Variants in ZNF385B observed in about 807,000 individuals in gnomAD.
ZNF385B encodes the protein zinc finger protein 533.
In ZNF385B, 23 loss-of-function variants were observed where a neutral mutation model predicts 39.2. That is an observed-to-expected ratio of 0.59 (90% CI 0.42 to 0.83). ZNF385B has a LOEUF of 0.83. ZNF385B is among the 40% of genes least tolerant of loss of function. ZNF385B has a pLI of 0.00. For synonymous variants in ZNF385B, 205 were observed against 222.6 expected, an observed-to-expected ratio of 0.92 and a Z score of 0.70; for missense variants, 552 against 598.9, an observed-to-expected ratio of 0.92 and a Z score of 0.82.
chr2:179,697,440 C>T (rs72958970), intron 3 of ZNF385B, among the ~76,000 whole-genome samples: 11,731 of 152,206 alleles, frequency 0.077, 528 homozygotes, highest in East Asian at 0.16. Flanking sequence ...AAGAAGATGC[C>T]TTGTTTCCCC....
intron 1 of ZNF385B, among the ~76,000 whole-genome samples, chr2:179,771,647 T>C (rs1704019321): frequency 6.6e-6 from 1 of 152,210 alleles, no homozygotes; most frequent in Non-Finnish European, 1.5e-5. Context: ...GCTTTTATTC[T>C]TTAAACCTAA....
intron 1 of ZNF385B, among the ~76,000 whole-genome samples, chr2:179,784,457 C>T (rs77610986): frequency 3.3e-5 from 5 of 151,632 alleles, no homozygotes; most frequent in African/African-American, 1.2e-4. Context: ...CATGTACCCT[C>T]GAACCCAAAA....
chr2:179,597,788 A>G (rs185496213), intron 3 of ZNF385B, among the ~76,000 whole-genome samples: 2 of 152,348 alleles, frequency 1.3e-5, no homozygotes, highest in African/African-American at 4.8e-5. Context: ...GATAAATAAT[A>G]TTATTGCCCC....
intron 3 of ZNF385B, among the ~76,000 whole-genome samples, chr2:179,762,335 A>G (rs1703450681): frequency 6.6e-6 from 1 of 151,950 alleles, no homozygotes; most frequent in African/African-American, 2.4e-5. Context: ...GATTACAGGC[A>G]CTCACTACTA....
chr2:179,595,717 C>T (rs1352227289), intron 3 of ZNF385B, among the ~76,000 whole-genome samples: 2 of 151,242 alleles, frequency 1.3e-5, no homozygotes, highest in East Asian at 4.0e-4. Context: ...TCTTGACCTC[C>T]TGGGCTCCAG....
chr2:179,641,724 T>C (rs896500509), intron 3 of ZNF385B, among the ~76,000 whole-genome samples: 1 of 151,876 alleles, frequency 6.6e-6, no homozygotes, highest in African/African-American at 2.4e-5. Context: ...TACAGCCAAC[T>C]GGTCCCTGTA....
chr2:179,682,112 T>C (rs1697566381), intron 3 of ZNF385B, among the ~76,000 whole-genome samples: 1 of 152,140 alleles, frequency 6.6e-6, no homozygotes, highest in South Asian at 2.1e-4. Context: ...ATGCTAAGGC[T>C]CCCATAATTT....
At position 179,710,109 on chromosome 2, in the gene ZNF385B, G is replaced by A. The variant is rs186629066; in HGVS notation, c.298+59394C>T. ...AACGGACTGTTGATGCAACGACTCC[G>A]GAGAAGATGTGTTCTCTGGCTCTGT... On this transcript the variant is annotated intron_variant, in intron 3 of 9. Transcript: ENST00000410066. Among the ~76,000 whole-genome samples the A allele has an allele frequency of 5.9e-5, 9 of 152,202 alleles. No homozygotes were observed. The East Asian group carries it at 1.4e-3, about 23-fold the overall frequency.
rs72013599 is a variant in ZNF385B, at chr2:179,606,539, TAG to T, written c.299-61572_299-61571del. On this transcript the variant is annotated intron_variant, in intron 3 of 9. Coordinates refer to ENST00000410066, the MANE Select transcript of ZNF385B (RefSeq NM_152520.6). ...TTAGGTTGTGGGTGCTGTGGAAATT[TAG>T]AGTTTCCTAAACTCTAAAGTTTGGG... is the stretch of plus-strand genomic sequence containing the variant. Among the ~76,000 whole-genome samples the T allele has an allele frequency of 9.8e-3, 1,492 of 152,270 alleles. 29 individuals carry two copies. Among genetic ancestry groups the T allele is most frequent in the African/African-American group, 0.033 (1,379 of 41,566 alleles).
intron 3 of ZNF385B, among the ~76,000 whole-genome samples, chr2:179,621,376 T>A (rs948147868): frequency 1.3e-5 from 2 of 152,210 alleles, no homozygotes; most frequent in African/African-American, 2.4e-5. Flanking sequence ...GGTAATAATG[T>A]TAAGGTTGTG....
intron 5 of ZNF385B, among the ~76,000 whole-genome samples, chr2:179,516,867 T>C (rs1225794024): frequency 1.3e-5 from 2 of 149,936 alleles, no homozygotes; most frequent in Non-Finnish European, 3.0e-5. Context: ...AGTTTAATAG[T>C]TTTTTTAAAG....
chr2:179,672,681 A>C lies in ZNF385B; in HGVS notation c.298+96822T>G, dbSNP rs112684804. 7.8e-4 allele frequency among the ~76,000 whole-genome samples: 118 copies of C among 152,220 alleles called. 1 individual carries two copies. The highest frequency in any genetic ancestry group is 2.8e-3 in the African/African-American group (116 of 41,534). The stretch of plus-strand genomic sequence containing the variant: ...ATAAAAGATGTCTGAGAGACTCCTT[A>C]CCTCTTCCACCAAGTGAGGATGCAG... On this transcript the variant is annotated intron_variant, in intron 3 of 9. Coordinates refer to ENST00000410066, the MANE Select transcript of ZNF385B (RefSeq NM_152520.6).
At chr2:179,676,361 T>A (rs1162418530) in intron 3 of ZNF385B, among the ~76,000 whole-genome samples, 1 of 151,888 alleles carries the variant, frequency 6.6e-6, no homozygotes, top group African/African-American at 2.4e-5. Context: ...GTGCTGGGAT[T>A]ACAGGCGTGA....
chr2:179,816,157 C>T (rs1280978465), intron 1 of ZNF385B, among the ~76,000 whole-genome samples: 1 of 152,136 alleles, frequency 6.6e-6, no homozygotes, highest in African/African-American at 2.4e-5. Context: ...TTTAACTAAA[C>T]GGAAACTTCA....
chr2:179,657,081 G>A (rs532884278), intron 3 of ZNF385B, among the ~76,000 whole-genome samples: 1 of 152,296 alleles, frequency 6.6e-6, no homozygotes, highest in African/African-American at 2.4e-5. Flanking sequence ...AAGAATGGGA[G>A]GTCACTCTGT....
Position 179,846,079 on chromosome 2 carries a change from AG to A in ZNF385B, c.-155+15021del, listed in dbSNP as rs1203238769. ...CTATGGAAAGTCATCGCCTTGGAGG[AG>A]CTGATGACTTTTGCTGACTATCAAA... On this transcript the variant is annotated intron_variant, in intron 1 of 9. Transcript: ENST00000410066. 5.3e-5 allele frequency among the ~76,000 whole-genome samples: 8 copies of A among 152,320 alleles called. No homozygotes were observed. In the East Asian group the frequency reaches 1.5e-3, roughly 29 times the overall value.
In ZNF385B at chr2:179,476,844, T is replaced by C. The variant is rs931681270; in HGVS notation, c.715+6428A>G. 2.4e-4 allele frequency among the ~76,000 whole-genome samples: 36 copies of C among 152,350 alleles called. No homozygotes were observed. In the East Asian group the frequency reaches 6.7e-3, roughly 29 times the overall value. ...AGACAGATGGGACTCATTTATGTTCTACATGACTATACCCCAGAACTTCAG... is the reference window on the plus strand; with the variant it reads ...AGACAGATGGGACTCATTTATGTTCCACATGACTATACCCCAGAACTTCAG... On this transcript the variant is annotated intron_variant, in intron 6 of 9. Transcript: ENST00000410066.
intron 3 of ZNF385B, among the ~76,000 whole-genome samples, chr2:179,701,065 T>C (rs568816739): frequency 6.6e-6 from 1 of 152,294 alleles, no homozygotes; most frequent in Non-Finnish European, 1.5e-5. Flanking sequence ...ATTGGTATCA[T>C]CTATATCATG....
intron 3 of ZNF385B, among the ~76,000 whole-genome samples, chr2:179,742,232 A>C (rs1702127034): frequency 6.6e-6 from 1 of 152,054 alleles, no homozygotes; most frequent in Non-Finnish European, 1.5e-5. Context: ...TCAGATAGTA[A>C]CTTTCTTTCC....
Sources: gnomAD v4.1 joint callset for allele counts (sites outside exome capture counted in the v4.1 genomes callset) on GRCh38, gnomAD v4.1.1 for gene constraint, MANE v1.5 for transcripts, NCBI Gene and HGNC (gene_info 2026-07-23, HGNC 2026-07-21) for gene names.